SEMA5A: variants seen among roughly 807,000 people sequenced by gnomAD.
The protein encoded by SEMA5A is semaphorin 5A.
Under a neutral mutation model 135.5 loss-of-function variants are expected in SEMA5A, and 55 were observed. The ratio of observed to expected loss-of-function variants is 0.41; its 90% confidence interval spans 0.33 to 0.51. The LOEUF is 0.51. SEMA5A is among the 20% of genes least tolerant of loss of function. The pLI is 0.37. For missense variants in SEMA5A, 1,290 were observed against 1,419.9 expected, an observed-to-expected ratio of 0.91 and a Z score of 1.47; for synonymous variants, 580 against 546.5, an observed-to-expected ratio of 1.06 and a Z score of -0.85.
intron 19 of SEMA5A, 90 bp downstream of exon 19, chr5:9,053,997 A>G (rs1736743647): frequency 1.4e-5 from 20 of 1,426,188 alleles, no homozygotes; most frequent in East Asian, 4.7e-5. Flanking sequence ...AGTACTTACC[A>G]TGATGCAGTA....
intron 1 of SEMA5A, among the ~76,000 whole-genome samples, chr5:9,455,425 T>G (rs2126714862): frequency 6.6e-6 from 1 of 151,888 alleles, no homozygotes; most frequent in South Asian, 2.1e-4. Context: ...CCAGCTAATT[T>G]TTTTGTATTT....
In SEMA5A at chr5:9,096,456, T is replaced by C. The variant is rs546420260; in HGVS notation, c.2073+11684A>G. ...AGTGAGATAATGCACTATTTCTCTT[T>C]CTTTGTTTGGTTTATTTTATTTAGC... On this transcript the variant is annotated intron_variant, in intron 16 of 22. Transcript: ENST00000382496. Among the ~76,000 whole-genome samples, 3 of 152,156 alleles carry C rather than the reference T, an allele frequency of 2.0e-5. No homozygotes were observed. In the East Asian group the frequency reaches 5.8e-4, roughly 30 times the overall value.
At chr5:9,242,837 G>C (rs527758178) in intron 5 of SEMA5A, among the ~76,000 whole-genome samples, 1 of 152,224 alleles carries the variant, frequency 6.6e-6, no homozygotes, top group Admixed American at 6.5e-5. Flanking sequence ...AATCGCATTA[G>C]AGTCATATCA....
intron 4 of SEMA5A, among the ~76,000 whole-genome samples, chr5:9,327,151 T>C (rs1212587849): frequency 6.6e-6 from 1 of 152,158 alleles, no homozygotes; most frequent in Non-Finnish European, 1.5e-5. Context: ...TTTAAATAGT[T>C]AGATCACATT....
intron 4 of SEMA5A, among the ~76,000 whole-genome samples, chr5:9,324,874 C>A (rs74626612): frequency 1.3e-5 from 2 of 152,328 alleles, no homozygotes; most frequent in East Asian, 3.9e-4. Flanking sequence ...ATGCTTCTGG[C>A]CCCTGGCCAA....
chr5:9,318,291 C>T, intron 5 of SEMA5A, 81 bp downstream of exon 5: 2 of 1,365,766 alleles, frequency 1.5e-6, no homozygotes, highest in South Asian at 1.3e-5. Flanking sequence ...AACACCTTTA[C>T]ATGCATCTGT....
chr5:9,284,579 AT>A (rs202055476), intron 5 of SEMA5A, among the ~76,000 whole-genome samples: 59 of 150,346 alleles, frequency 3.9e-4, no homozygotes, highest in East Asian at 1.4e-3. Context: ...TATTTCATCA[AT>A]TTTTTTTTTA....
At chr5:9,485,312 C>T (rs1347852016) in intron 1 of SEMA5A, among the ~76,000 whole-genome samples, 1 of 151,572 alleles carries the variant, frequency 6.6e-6, no homozygotes, top group African/African-American at 2.4e-5. Flanking sequence ...TGACAGAAGA[C>T]AAGGAGAAGG....
chr5:9,117,894 A>G (rs1053966862), intron 15 of SEMA5A, among the ~76,000 whole-genome samples: 1 of 152,230 alleles, frequency 6.6e-6, no homozygotes, highest in Non-Finnish European at 1.5e-5. Context: ...CTGCTTAAAA[A>G]ATGACACACC....
At chr5:9,373,828 G>A (rs1456507043) in intron 3 of SEMA5A, among the ~76,000 whole-genome samples, 1 of 152,212 alleles carries the variant, frequency 6.6e-6, no homozygotes, top group Non-Finnish European at 1.5e-5. Flanking sequence ...ATGTGAAATT[G>A]CTTCCCACAA....
intron 8 of SEMA5A, among the ~76,000 whole-genome samples, chr5:9,215,168 A>G (rs1476131716): frequency 6.6e-6 from 1 of 152,234 alleles, no homozygotes; most frequent in Non-Finnish European, 1.5e-5. Context: ...ACAAGAAGAC[A>G]ACGCCATCTG....
chr5:9,050,292 T>C (rs1736493720), intron 21 of SEMA5A, 118 bp downstream of exon 21: 1 of 874,482 alleles, frequency 1.1e-6, no homozygotes, highest in South Asian at 1.9e-5. Context: ...GATCCATGAC[T>C]TTCTCCGGTT....
intron 16 of SEMA5A, among the ~76,000 whole-genome samples, chr5:9,074,803 CA>C (rs1737955843): frequency 6.6e-6 from 1 of 152,090 alleles, no homozygotes; most frequent in African/African-American, 2.4e-5. Flanking sequence ...ATTCAAACAA[CA>C]GAAAAAACAA....
At chr5:9,460,567 T>C (rs1759018844) in intron 1 of SEMA5A, among the ~76,000 whole-genome samples, 1 of 152,166 alleles carries the variant, frequency 6.6e-6, no homozygotes, top group Admixed American at 6.5e-5. Context: ...TGCTAGATGT[T>C]CAAGTAGCAA....
chr5:9,122,694 C>T lies in SEMA5A; in HGVS notation c.1743G>A (p.Gln581=), dbSNP rs1170580669. 6.2e-7 allele frequency: 1 copy of T among 1,611,066 alleles called. No homozygotes were observed. Residue 581 remains glutamine, a synonymous_variant, in exon 14 of 23, where the codon CAG becomes CAA. Transcript: ENST00000382496. ...CGATCTCCATGCCAGGGCCCTCGCA[C>T]TGCCAGCCACCACACTGCGGGGCCG... ...DSPAPQCGGW[Q]CEGPGMEIAN...
chr5:9,341,301 C>T (rs1014961640), intron 3 of SEMA5A, among the ~76,000 whole-genome samples: 2 of 151,804 alleles, frequency 1.3e-5, no homozygotes, highest in Admixed American at 1.3e-4. Flanking sequence ...TAACAGAAAA[C>T]CTATTACTAT....
At chr5:9,237,581 T>C (rs1747978031) in intron 6 of SEMA5A, 2 of 342,942 alleles carry the variant, frequency 5.8e-6, no homozygotes, top group Non-Finnish European at 1.0e-5. Context: ...CTTAGTCTAA[T>C]GACAGAAAGG....
chr5:9,151,976 C>T (rs1409358489), intron 12 of SEMA5A, among the ~76,000 whole-genome samples: 2 of 152,222 alleles, frequency 1.3e-5, no homozygotes, highest in African/African-American at 2.4e-5. Flanking sequence ...TCCTGTGGAT[C>T]CACAAGTGGG....
At chr5:9,097,048 A>T (rs1040677619) in intron 16 of SEMA5A, among the ~76,000 whole-genome samples, 18 of 152,194 alleles carry the variant, frequency 1.2e-4, no homozygotes, top group African/African-American at 4.3e-4. Flanking sequence ...TTTTACCATC[A>T]TGCTGTATAT....
Sources: gnomAD v4.1 joint callset for allele counts (sites outside exome capture counted in the v4.1 genomes callset) on GRCh38, gnomAD v4.1.1 for gene constraint, MANE v1.5 for transcripts, NCBI Gene and HGNC (gene_info 2026-07-23, HGNC 2026-07-21) for gene names.